The following TDRD3 variants were observed in gnomAD, a reference collection of about 807,000 sequenced individuals.
The protein encoded by TDRD3 is tudor domain containing 3, also known as tudor domain-containing protein 3.
TDRD3 carries 45 observed loss-of-function variants against 86.7 expected under a neutral mutation model. The observed-to-expected ratio is 0.52, with a 90% CI of 0.41 to 0.67. TDRD3 has a LOEUF of 0.67. Ranked by LOEUF, TDRD3 falls within the 30% of genes least tolerant of loss-of-function variation. The probability of loss-of-function intolerance (pLI) is 0.00; values close to 1 mark genes in which losing one functional copy is unlikely to be tolerated. For missense variants in TDRD3, 814 were observed against 889.0 expected (o/e 0.92, Z 1.07); for synonymous variants, 298 against 301.7 (o/e 0.99, Z 0.13).
In TDRD3 at chr13:60,466,985, TTTTTG is replaced by T. The variant is rs1239679090; in HGVS notation, c.354-248_354-244del. On this transcript the variant is annotated intron_variant, in intron 4 of 13. Coordinates refer to ENST00000377881, the MANE Select transcript of TDRD3 (RefSeq NM_001146070.2). Reference sequence around the variant, plus strand: ...TCAAATGTGTGTGTGTTTTTTTGTTTTTTTGTTTTAAGTTTCAGGGTACATGTGTA... The same window carrying T: ...TCAAATGTGTGTGTGTTTTTTTGTTTTTTTAAGTTTCAGGGTACATGTGTA... Among the ~76,000 whole-genome samples, 4 of 152,238 alleles carry T rather than the reference TTTTTG, an allele frequency of 2.6e-5. No individual in the cohort carries two copies. In the East Asian group the frequency reaches 7.7e-4, roughly 29 times the overall value.
At chr13:60,426,932 A>G (rs1266291710) in intron 1 of TDRD3, among the ~76,000 whole-genome samples, 1 of 152,266 alleles carries the variant, frequency 6.6e-6, no homozygotes, top group Non-Finnish European at 1.5e-5. Flanking sequence ...CTCCTAGGCT[A>G]CCAACCTGTA....
intron 1 of TDRD3, among the ~76,000 whole-genome samples, chr13:60,426,442 CTG>C (rs1417373120): frequency 2.0e-5 from 3 of 152,112 alleles, no homozygotes; most frequent in Non-Finnish European, 4.4e-5. Context: ...CAAAAAGTAA[CTG>C]TGAGATGATA....
chr13:60,538,296 A>G (rs920456125), intron 12 of TDRD3, among the ~76,000 whole-genome samples: 3 of 151,598 alleles, frequency 2.0e-5, no homozygotes, highest in Non-Finnish European at 4.4e-5. Flanking sequence ...TGTTTCGATT[A>G]TGATTAAATT....
chr13:60,510,802 C>CTTTTTTTTTTTTTTTTTTTTTTTTT, intron 10 of TDRD3, 47 bp downstream of exon 10: 1 of 1,204,022 alleles, frequency 8.3e-7, no homozygotes, highest in Non-Finnish European at 1.1e-6. Flanking sequence ...TCTTTTCTTT[C>CTTTTTTTTTTTTTTTTTTTTTTTTT]TTTTTTTTTT....
chr13:60,524,916 G>A (rs914379331), intron 10 of TDRD3, among the ~76,000 whole-genome samples: 6 of 151,220 alleles, frequency 4.0e-5, no homozygotes, highest in South Asian at 2.1e-4. Flanking sequence ...GGCCAACCCC[G>A]TCTCTACTAA....
At chr13:60,408,857 A>C (rs927802403) in intron 1 of TDRD3, among the ~76,000 whole-genome samples, 2 of 152,234 alleles carry the variant, frequency 1.3e-5, no homozygotes, top group African/African-American at 4.8e-5. Context: ...AGTAGCAAGG[A>C]TCCTAATGTT....
chr13:60,530,132 G>A (rs1957546096), intron 11 of TDRD3, among the ~76,000 whole-genome samples: 1 of 152,108 alleles, frequency 6.6e-6, no homozygotes, highest in Admixed American at 6.5e-5. Flanking sequence ...ATGACAACTT[G>A]TAAATATTTT....
chr13:60,492,591 C>T (rs967996708), intron 7 of TDRD3, among the ~76,000 whole-genome samples: 2 of 152,198 alleles, frequency 1.3e-5, no homozygotes, highest in African/African-American at 4.8e-5. Flanking sequence ...ACTGTGCTAC[C>T]TTGCCTCCTA....
At chr13:60,454,042 G>A (rs947456232) in intron 3 of TDRD3, among the ~76,000 whole-genome samples, 7 of 151,922 alleles carry the variant, frequency 4.6e-5, no homozygotes, top group South Asian at 4.2e-4. Flanking sequence ...AGGTATAAAG[G>A]TTTTATACAT....
At chr13:60,532,152 A>G (rs925685104) in intron 11 of TDRD3, among the ~76,000 whole-genome samples, 2 of 152,222 alleles carry the variant, frequency 1.3e-5, no homozygotes, top group East Asian at 1.9e-4. Context: ...TCAAAGTACC[A>G]AATTTATTGC....
At chr13:60,481,266 A>C (rs192958314) in intron 5 of TDRD3, among the ~76,000 whole-genome samples, 1 of 150,934 alleles carries the variant, frequency 6.6e-6, no homozygotes. Context: ...TTTTTGATCT[A>C]TGAGTTTATT....
intron 5 of TDRD3, among the ~76,000 whole-genome samples, chr13:60,474,118 G>T (rs1414399144): frequency 6.6e-6 from 1 of 152,154 alleles, no homozygotes; most frequent in African/African-American, 2.4e-5. Context: ...GATAGCAGTA[G>T]CAGAATTAGT....
chr13:60,533,701 A>G (rs1478444740), intron 11 of TDRD3, among the ~76,000 whole-genome samples: 2 of 152,056 alleles, frequency 1.3e-5, no homozygotes, highest in African/African-American at 4.8e-5. Flanking sequence ...GTATTCAAAT[A>G]CCCTAGCTTG....
intron 12 of TDRD3, among the ~76,000 whole-genome samples, chr13:60,557,758 T>C: frequency 6.6e-6 from 1 of 151,816 alleles, no homozygotes; most frequent in Non-Finnish European, 1.5e-5. Flanking sequence ...TTTAGTACTT[T>C]TTTGTGGCAT....
At chr13:60,479,321 C>T (rs1013331821) in intron 5 of TDRD3, among the ~76,000 whole-genome samples, 3 of 152,106 alleles carry the variant, frequency 2.0e-5, no homozygotes, top group Non-Finnish European at 4.4e-5. Flanking sequence ...AGAGATCTTG[C>T]TGTTGATTTC....
intron 12 of TDRD3, among the ~76,000 whole-genome samples, chr13:60,565,157 G>A (rs1333524867): frequency 7.2e-6 from 1 of 139,612 alleles, no homozygotes; most frequent in African/African-American, 2.7e-5. Context: ...CCGGGTTCAC[G>A]CCATTCTCCT....
chr13:60,489,030 C>T (rs905441425), intron 7 of TDRD3, among the ~76,000 whole-genome samples: 14 of 152,054 alleles, frequency 9.2e-5, no homozygotes, highest in Admixed American at 2.0e-4. Flanking sequence ...TGATTGAATT[C>T]TTAGCTATGC....
At position 60,547,506 on chromosome 13, in the gene TDRD3, A is replaced by C. The variant is rs138283041; in HGVS notation, c.2118+12273A>C. 1.2e-3 allele frequency: 768 copies of C among 621,122 alleles called. 8 individuals carry two copies. In the African/African-American group the frequency reaches 0.014, roughly 11 times the overall value. 38.5% of individuals were successfully genotyped at this position (621,122 alleles called of 1,614,324 possible). A position where few individuals can be genotyped will look rare whatever the true frequency, so the allele number is the denominator to read the frequency against. Reference sequence around the variant, plus strand: ...TGTGACTTTGGGTAAGTTACCTAATATCTCTGGGTCCCAGTTTCAGTACAG... The same window carrying C: ...TGTGACTTTGGGTAAGTTACCTAATCTCTCTGGGTCCCAGTTTCAGTACAG... On this transcript the variant is annotated intron_variant, in intron 12 of 13. Coordinates refer to ENST00000377881, the MANE Select transcript of TDRD3 (RefSeq NM_001146070.2).
At chr13:60,439,574 C>T in intron 1 of TDRD3, 114 bp from the exon 2 acceptor site, 1 of 697,364 alleles carries the variant, frequency 1.4e-6, no homozygotes, top group Non-Finnish European at 2.4e-6. Context: ...GACTCTTTCC[C>T]TAGTATTTGT....
Sources: gnomAD v4.1 joint callset for allele counts (sites outside exome capture counted in the v4.1 genomes callset) on GRCh38, gnomAD v4.1.1 for gene constraint, MANE v1.5 for transcripts, NCBI Gene and HGNC (gene_info 2026-07-23, HGNC 2026-07-21) for gene names.